Variants in GALNT13 observed in about 807,000 individuals in gnomAD.
The protein encoded by GALNT13 is polypeptide N-acetylgalactosaminyltransferase 13.
Under a neutral mutation model 64.2 loss-of-function variants are expected in GALNT13, and 28 were observed. That is an observed-to-expected ratio of 0.44 (90% CI 0.32 to 0.60). The LOEUF is 0.60. GALNT13 is among the 20% of genes least tolerant of loss of function. GALNT13 has a pLI of 0.05. For synonymous variants in GALNT13, 214 were observed against 224.6 expected, an observed-to-expected ratio of 0.95 and a Z score of 0.42; for missense variants, 577 against 669.8, an observed-to-expected ratio of 0.86 and a Z score of 1.53.
chr2:153,698,700 G>T, the GALNT13 span, among the ~76,000 whole-genome samples: 1 of 152,016 alleles, frequency 6.6e-6, no homozygotes, highest in African/African-American at 2.4e-5. Flanking sequence ...ATTAACAAGG[G>T]TATTCAAGAC....
chr2:154,055,448 C>T (rs1404977483), intron 3 of GALNT13, among the ~76,000 whole-genome samples: 2 of 152,032 alleles, frequency 1.3e-5, no homozygotes, highest in Non-Finnish European at 2.9e-5. Context: ...CTTTCCCCTA[C>T]AACATTTACA....
At chr2:153,241,741 T>C in the GALNT13 span, among the ~76,000 whole-genome samples, 1 of 151,950 alleles carries the variant, frequency 6.6e-6, no homozygotes, top group African/African-American at 2.4e-5. Context: ...AAAGGATTTG[T>C]GAGACTAGTC....
the GALNT13 span, among the ~76,000 whole-genome samples, chr2:153,579,862 A>G: frequency 6.6e-6 from 1 of 152,086 alleles, no homozygotes; most frequent in Non-Finnish European, 1.5e-5. Context: ...GAGGTGGAAT[A>G]GTTTCATCCC....
At chr2:153,086,354 A>G in the GALNT13 span, among the ~76,000 whole-genome samples, 86 of 152,238 alleles carry the variant, frequency 5.6e-4, no homozygotes, top group African/African-American at 2.0e-3. Flanking sequence ...ATGAAATGAT[A>G]TGGTTTGGCT....
chr2:154,224,759 G>A (rs538766386), intron 4 of GALNT13, among the ~76,000 whole-genome samples: 1 of 152,132 alleles, frequency 6.6e-6, no homozygotes, highest in South Asian at 2.1e-4. Flanking sequence ...AAAAGAATAA[G>A]CTGCACATAA....
At position 153,922,099 on chromosome 2, in the gene GALNT13, G is replaced by A. The variant is rs138323797; in HGVS notation, c.-105+21092G>A. Among the ~76,000 whole-genome samples the A allele has an allele frequency of 5.4e-3, 820 of 152,166 alleles. 5 individuals are homozygous for A. The highest frequency in any genetic ancestry group is 0.018 in the African/African-American group (753 of 41,526). On this transcript the variant is annotated intron_variant, in intron 2 of 12. Coordinates refer to ENST00000392825, the MANE Select transcript of GALNT13 (RefSeq NM_052917.4). ...TTGTACATATCTTTCCCAGAAATGT[G>A]AAGCAAAAAGGAAAATAAAATGTTG...
chr2:153,435,010 T>G, the GALNT13 span, among the ~76,000 whole-genome samples: 5 of 152,234 alleles, frequency 3.3e-5, 1 homozygote, highest in Non-Finnish European at 1.5e-5. Context: ...TTTTGTATAC[T>G]GTGTAAGGAA....
chr2:154,396,201 AT>A, intron 10 of GALNT13, 71 bp downstream of exon 10: 1 of 981,782 alleles, frequency 1.0e-6, no homozygotes. Context: ...GGAGCTCAGT[AT>A]TTTTTATGTT....
chr2:153,558,470 G>T, the GALNT13 span, among the ~76,000 whole-genome samples: 1 of 152,132 alleles, frequency 6.6e-6, no homozygotes, highest in Non-Finnish European at 1.5e-5. Context: ...TCTTAGCGAT[G>T]GCATCATAAA....
the GALNT13 span, among the ~76,000 whole-genome samples, chr2:153,543,718 G>T: frequency 6.6e-6 from 1 of 151,854 alleles, no homozygotes; most frequent in African/African-American, 2.4e-5. Context: ...AACAGTACAA[G>T]AAACCGTCTT....
At chr2:153,289,768 G>A in the GALNT13 span, among the ~76,000 whole-genome samples, 1 of 152,176 alleles carries the variant, frequency 6.6e-6, no homozygotes, top group African/African-American at 2.4e-5. Context: ...CTAAACTGCA[G>A]GCCAGTGTAA....
At chr2:153,976,249 C>T (rs1694070026) in intron 3 of GALNT13, among the ~76,000 whole-genome samples, 1 of 151,182 alleles carries the variant, frequency 6.6e-6, no homozygotes, top group Non-Finnish European at 1.5e-5. Context: ...ATAATGGGTA[C>T]TCAATAATCA....
the GALNT13 span, among the ~76,000 whole-genome samples, chr2:153,324,683 T>A: frequency 6.6e-6 from 1 of 152,248 alleles, no homozygotes; most frequent in East Asian, 1.9e-4. Context: ...TGAGTGTTTT[T>A]AGCATGAAGT....
At chr2:154,064,390 C>T (rs920005396) in intron 3 of GALNT13, among the ~76,000 whole-genome samples, 1 of 152,170 alleles carries the variant, frequency 6.6e-6, no homozygotes, top group African/African-American at 2.4e-5. Context: ...TCTAATGAGA[C>T]ACTAGCCAGG....
intron 2 of GALNT13, among the ~76,000 whole-genome samples, chr2:153,906,814 T>C (rs1273594617): frequency 2.0e-5 from 3 of 151,972 alleles, no homozygotes; most frequent in African/African-American, 7.3e-5. Flanking sequence ...CCCTGAGGAA[T>C]CGCCACACTG....
At chr2:154,405,346 T>C (rs756801676) in intron 10 of GALNT13, among the ~76,000 whole-genome samples, 1 of 151,252 alleles carries the variant, frequency 6.6e-6, no homozygotes, top group African/African-American at 2.4e-5. Context: ...AATATAAAAA[T>C]TGGAAACTAA....
chr2:154,082,709 G>C (rs529195556), intron 3 of GALNT13, among the ~76,000 whole-genome samples: 2 of 151,234 alleles, frequency 1.3e-5, no homozygotes, highest in Non-Finnish European at 3.0e-5. Context: ...CTCTGCTTCA[G>C]ACTCACCTTT....
chr2:153,628,787 G>A, the GALNT13 span, among the ~76,000 whole-genome samples: 1 of 152,106 alleles, frequency 6.6e-6, no homozygotes, highest in African/African-American at 2.4e-5. Context: ...TGTTCATCAA[G>A]GATATTGGTC....
chr2:153,270,843 C>T, the GALNT13 span, among the ~76,000 whole-genome samples: 1 of 151,800 alleles, frequency 6.6e-6, no homozygotes, highest in Non-Finnish European at 1.5e-5. Flanking sequence ...AGGGTGAGAC[C>T]CTGTCTCAAT....
Sources: gnomAD v4.1 joint callset for allele counts (sites outside exome capture counted in the v4.1 genomes callset) on GRCh38, gnomAD v4.1.1 for gene constraint, MANE v1.5 for transcripts, NCBI Gene and HGNC (gene_info 2026-07-23, HGNC 2026-07-21) for gene names.